Variants in PEBP4 observed in about 807,000 individuals in gnomAD.
PEBP4 encodes phosphatidylethanolamine-binding protein 4.
Under a neutral mutation model 23.9 loss-of-function variants are expected in PEBP4, and 22 were observed. That is an observed-to-expected ratio of 0.92 (90% CI 0.66 to 1.31). The LOEUF is 1.31. PEBP4 is among the 40% of genes most tolerant of loss of function. PEBP4 has a pLI of 0.00. For missense variants in PEBP4, 324 were observed against 281.7 expected, an observed-to-expected ratio of 1.15 and a Z score of -1.07; for synonymous variants, 112 against 99.3, an observed-to-expected ratio of 1.13 and a Z score of -0.76.
At chr8:22,828,652 A>G (rs557526132) in intron 3 of PEBP4, among the ~76,000 whole-genome samples, 2 of 152,284 alleles carry the variant, frequency 1.3e-5, no homozygotes, top group South Asian at 4.2e-4. Flanking sequence ...GGCACACGCC[A>G]TTAGTTGAAT....
At chr8:22,861,878 C>T (rs1807784439) in intron 3 of PEBP4, among the ~76,000 whole-genome samples, 2 of 152,166 alleles carry the variant, frequency 1.3e-5, no homozygotes, top group African/African-American at 2.4e-5. Context: ...CTCAATCTTG[C>T]GCTTTAGCGA....
At chr8:22,849,041 C>G (rs1439531930) in intron 3 of PEBP4, among the ~76,000 whole-genome samples, 1 of 152,234 alleles carries the variant, frequency 6.6e-6, no homozygotes, top group South Asian at 2.1e-4. Flanking sequence ...AACCCCCAGC[C>G]TCTGTCCCCT....
At chr8:22,940,995 C>T (rs970099610) in intron 1 of PEBP4, among the ~76,000 whole-genome samples, 2 of 152,176 alleles carry the variant, frequency 1.3e-5, no homozygotes, top group Middle Eastern at 3.4e-3. Flanking sequence ...GGAGAAAGTT[C>T]CCTCCAGGGT....
At chr8:22,898,546 T>C (rs900750873) in intron 3 of PEBP4, among the ~76,000 whole-genome samples, 2 of 151,758 alleles carry the variant, frequency 1.3e-5, no homozygotes, top group Admixed American at 6.6e-5. Flanking sequence ...ACTCAGGTTC[T>C]CAATCAAAGT....
chr8:22,763,473 T>C (rs1360441602), intron 4 of PEBP4, among the ~76,000 whole-genome samples: 1 of 152,240 alleles, frequency 6.6e-6, no homozygotes, highest in Non-Finnish European at 1.5e-5. Flanking sequence ...GAGCAGTGAA[T>C]GCTGGCCCTA....
chr8:22,725,039 T>C (rs936927896), intron 5 of PEBP4, 83 bp from the exon 6 acceptor site: 26 of 1,225,134 alleles, frequency 2.1e-5, no homozygotes, highest in Middle Eastern at 2.6e-4. Context: ...ATGGTCCTGC[T>C]GACCTCCCTG....
chr8:22,866,931 G>T (rs548619493), intron 3 of PEBP4, among the ~76,000 whole-genome samples: 1 of 152,274 alleles, frequency 6.6e-6, no homozygotes, highest in African/African-American at 2.4e-5. Context: ...GATGGGGAAG[G>T]GGACCCCAGG....
chr8:22,816,584 A>G (rs1806744408), intron 4 of PEBP4, among the ~76,000 whole-genome samples: 1 of 152,266 alleles, frequency 6.6e-6, no homozygotes, highest in South Asian at 2.1e-4. Flanking sequence ...TCATCATGAC[A>G]ATCACAGCAA....
At chr8:22,842,250 G>A (rs556401782) in intron 3 of PEBP4, among the ~76,000 whole-genome samples, 1 of 152,162 alleles carries the variant, frequency 6.6e-6, no homozygotes, top group Non-Finnish European at 1.5e-5. Flanking sequence ...AGAAACTGGC[G>A]GATGGTCGAT....
intron 4 of PEBP4, among the ~76,000 whole-genome samples, chr8:22,742,269 T>C (rs1158318522): frequency 6.6e-6 from 1 of 152,240 alleles, no homozygotes; most frequent in Non-Finnish European, 1.5e-5. Context: ...AGCTGATTAA[T>C]CTGCCAGCTC....
intron 3 of PEBP4, among the ~76,000 whole-genome samples, chr8:22,872,834 G>A (rs1376407091): frequency 6.6e-6 from 1 of 152,018 alleles, no homozygotes; most frequent in African/African-American, 2.4e-5. Context: ...GCGCCACCAC[G>A]CCTAGCTAAT....
chr8:22,829,693 A>G (rs1034988406), intron 3 of PEBP4, among the ~76,000 whole-genome samples: 1 of 151,562 alleles, frequency 6.6e-6, no homozygotes, highest in East Asian at 1.9e-4. Flanking sequence ...TGAATATTCC[A>G]TTCTCCTTTT....
chr8:22,889,011 T>C (rs1451479676), intron 3 of PEBP4, among the ~76,000 whole-genome samples: 1 of 152,244 alleles, frequency 6.6e-6, no homozygotes, highest in African/African-American at 2.4e-5. Flanking sequence ...GAGAAGTACC[T>C]CTCATAGTTT....
At chr8:22,826,372 T>C (rs1051616348) in intron 3 of PEBP4, among the ~76,000 whole-genome samples, 1 of 152,228 alleles carries the variant, frequency 6.6e-6, no homozygotes, top group African/African-American at 2.4e-5. Flanking sequence ...GATGTGCCTT[T>C]TTACTCAGTG....
At chr8:22,854,091 A>G (rs533936701) in intron 3 of PEBP4, among the ~76,000 whole-genome samples, 159 of 152,318 alleles carry the variant, frequency 1.0e-3, no homozygotes, top group African/African-American at 3.2e-3. Flanking sequence ...CAGCCTCACT[A>G]CTTAAGAATC....
At chr8:22,739,576 T>C (rs1358482822) in intron 4 of PEBP4, among the ~76,000 whole-genome samples, 1 of 152,176 alleles carries the variant, frequency 6.6e-6, no homozygotes, top group Non-Finnish European at 1.5e-5. Flanking sequence ...AGCATCCATC[T>C]GGCTTGGGGA....
At chr8:22,849,134 TAATGA>T (rs1278428895) in intron 3 of PEBP4, among the ~76,000 whole-genome samples, 1 of 152,204 alleles carries the variant, frequency 6.6e-6, no homozygotes, top group African/African-American at 2.4e-5. Flanking sequence ...TAAGGTCACA[TAATGA>T]AATGAAGATG....
intron 4 of PEBP4, among the ~76,000 whole-genome samples, chr8:22,761,385 G>T (rs1243266125): frequency 6.6e-6 from 1 of 151,826 alleles, no homozygotes; most frequent in Non-Finnish European, 1.5e-5. Context: ...GACATGGCGA[G>T]GGGAGGCTGG....
At chr8:22,838,780 G>A (rs1807263228) in intron 3 of PEBP4, among the ~76,000 whole-genome samples, 1 of 152,262 alleles carries the variant, frequency 6.6e-6, no homozygotes, top group African/African-American at 2.4e-5. Context: ...CTAGTGTGAA[G>A]GAATTTGAGT....
Sources: allele counts gnomAD v4.1 joint callset (sites outside exome capture counted in the v4.1 genomes callset), GRCh38; gene constraint gnomAD v4.1.1; transcripts MANE v1.5; gene names NCBI Gene and HGNC (gene_info 2026-07-23, HGNC 2026-07-21).